UNC119B: variants seen among roughly 807,000 people sequenced by gnomAD.
UNC119B encodes the protein protein unc-119 homolog B.
A neutral mutation model predicts 23.4 loss-of-function variants in UNC119B; 16 were observed. That is an observed-to-expected ratio of 0.68 (90% CI 0.46 to 1.04). The LOEUF (loss-of-function observed/expected upper bound fraction) is 1.04, where lower values mean the gene tolerates loss of function less well. Ranked by LOEUF, UNC119B falls within the 50% of genes least tolerant of loss-of-function variation. The probability of loss-of-function intolerance (pLI) is 0.00; values close to 1 mark genes in which losing one functional copy is unlikely to be tolerated. For missense variants in UNC119B, 350 were observed against 361.3 expected, an observed-to-expected ratio of 0.97 and a Z score of 0.25; for synonymous variants, 144 against 145.4, an observed-to-expected ratio of 0.99 and a Z score of 0.07.
rs1377687975 is a variant in UNC119B, at chr12:120,721,913, C to T, written c.*1881C>T. Reference sequence around the variant, plus strand: ...GCTGTTAGCACTGTCTCCTCACCTTCTGTTTCTCATTGTGGCTCCTCAAAT... The same window carrying T: ...GCTGTTAGCACTGTCTCCTCACCTTTTGTTTCTCATTGTGGCTCCTCAAAT... On this transcript the variant is annotated 3_prime_UTR_variant, in exon 5 of 5. Coordinates refer to ENST00000344651, the MANE Select transcript of UNC119B (RefSeq NM_001080533.3). The T allele has an allele frequency of 6.5e-6, 1 of 152,742 alleles. No individual in the cohort carries two copies. The highest frequency in any genetic ancestry group is 2.4e-5 in the African/African-American group (1 of 41,470). The allele number at this position is 152,742 out of a possible 1,614,324, so 9.5% of individuals were successfully genotyped here.
At chr12:120,714,124 C>CA (rs1882722374) in intron 2 of UNC119B, among the ~76,000 whole-genome samples, 1 of 152,142 alleles carries the variant, frequency 6.6e-6, no homozygotes, top group South Asian at 2.1e-4. Flanking sequence ...TACAGATACC[C>CA]ATAGTATCAG....
Position 120,716,614 on chromosome 12 carries a change from G to C in UNC119B, c.359-14G>C. On this transcript the variant is annotated splice_polypyrimidine_tract_variant and intron_variant, in intron 2 of 4. Coordinates refer to ENST00000344651, the MANE Select transcript of UNC119B (RefSeq NM_001080533.3). ...GTCGAGATGGTGCACTGAAGATTCTGTGTGCTCTTTCAGACCAGGAGGAGG... is the reference window on the plus strand; with the variant it reads ...GTCGAGATGGTGCACTGAAGATTCTCTGTGCTCTTTCAGACCAGGAGGAGG... 6 of 1,613,746 alleles carry C rather than the reference G, an allele frequency of 3.7e-6. No homozygotes were observed. The highest frequency in any genetic ancestry group is 5.1e-6 in the Non-Finnish European group (6 of 1,179,702).
intron 1 of UNC119B, 150 bp downstream of exon 1, chr12:120,710,868 T>A: frequency 1.9e-5 from 13 of 688,814 alleles, no homozygotes; most frequent in Admixed American, 4.7e-5. Context: ...CCGGCCGGGC[T>A]TTGCTCCCGC....
intron 2 of UNC119B, 64 bp downstream of exon 2, chr12:120,713,451 C>CTT (rs1882710658): frequency 4.1e-6 from 5 of 1,224,002 alleles, no homozygotes; most frequent in Non-Finnish European, 6.0e-6. Context: ...AAACTCAAAT[C>CTT]TTTGTGTGCC....
chr12:120,718,989 T>G (rs966261763), intron 4 of UNC119B, among the ~76,000 whole-genome samples: 1 of 152,246 alleles, frequency 6.6e-6, no homozygotes, highest in African/African-American at 2.4e-5. Flanking sequence ...TATAGTGTTA[T>G]AAGTTTTACC....
intron 1 of UNC119B, 189 bp downstream of exon 1, chr12:120,710,907 ACTCT>A: frequency 2.1e-6 from 1 of 482,720 alleles, no homozygotes; most frequent in Non-Finnish European, 3.1e-6. Flanking sequence ...GTGGGGAAGG[ACTCT>A]CCTGGGCTGG....
intron 4 of UNC119B, among the ~76,000 whole-genome samples, chr12:120,718,721 T>C (rs890448350): frequency 6.6e-6 from 1 of 152,254 alleles, no homozygotes; most frequent in Non-Finnish European, 1.5e-5. Flanking sequence ...TATGAGGGTG[T>C]GAATAGAATC....
chr12:120,714,067 C>T (rs1882721395), intron 2 of UNC119B, among the ~76,000 whole-genome samples: 1 of 152,172 alleles, frequency 6.6e-6, no homozygotes, highest in Non-Finnish European at 1.5e-5. Context: ...GAGCACCTCA[C>T]TGGAGGTTTA....
intron 2 of UNC119B, among the ~76,000 whole-genome samples, chr12:120,715,810 G>A (rs1225680882): frequency 1.3e-5 from 2 of 152,110 alleles, no homozygotes. Context: ...TGGGATTACA[G>A]GCATGAGCCA....
intron 4 of UNC119B, among the ~76,000 whole-genome samples, chr12:120,719,628 C>CTCTTGTGCT: frequency 6.6e-6 from 1 of 152,288 alleles, no homozygotes; most frequent in Non-Finnish European, 1.5e-5. Context: ...GCACATTTCC[C>CTCTTGTGCT]TGGTATCTTG....
In UNC119B at chr12:120,721,610, C is replaced by G. The variant is rs1322819406; in HGVS notation, c.*1578C>G. 1 of 152,822 alleles carries G rather than the reference C, an allele frequency of 6.5e-6. No homozygotes were observed. Among genetic ancestry groups the G allele is most frequent in the Non-Finnish European group, 1.5e-5 (1 of 68,192 alleles). The allele number at this position is 152,822 out of a possible 1,614,324, so 9.5% of individuals were successfully genotyped here. A position where few individuals can be genotyped will look rare whatever the true frequency, so the allele number is the denominator to read the frequency against. Reference sequence around the variant, plus strand: ...AGTGGCCCCGAACCTTGGCCCAGTGCTTTGTCCCAGGCCAGAGTCTTGGCA... The same window carrying G: ...AGTGGCCCCGAACCTTGGCCCAGTGGTTTGTCCCAGGCCAGAGTCTTGGCA... On this transcript the variant is annotated 3_prime_UTR_variant, in exon 5 of 5. Coordinates refer to ENST00000344651, the MANE Select transcript of UNC119B (RefSeq NM_001080533.3).
rs1882899985 is a variant in UNC119B, at chr12:120,721,461, A to G, written c.*1429A>G. ...GAGGTGTCACAGTACCTGTGACAGG[A>G]GAGTGTCCTGATGTGCTTGGGAGAA... On this transcript the variant is annotated 3_prime_UTR_variant, in exon 5 of 5. Transcript: ENST00000344651. The G allele has an allele frequency of 6.6e-6, 1 of 152,242 alleles. No individual in the cohort carries two copies. The highest frequency in any genetic ancestry group is 2.4e-5 in the African/African-American group (1 of 41,432). The allele number at this position is 152,242 out of a possible 1,614,324, so 9.4% of individuals were successfully genotyped here. A position where few individuals can be genotyped will look rare whatever the true frequency, so the allele number is the denominator to read the frequency against.
At position 120,710,560 on chromosome 12, in the gene UNC119B, A is replaced by C. The variant is rs928566441; in HGVS notation, c.86A>C (p.Lys29Thr). ...GLVAGKEEKK[K>T]AGGGVLNRLK... ...GTGGCTGGCAAGGAGGAGAAGAAGA[A>C]GGCGGGCGGCGGCGTCCTGAACCGC... The change falls in exon 1 of 5, where the codon AAG (lysine) becomes ACG (threonine). Residue 29 changes from lysine to threonine, a missense_variant. Lys to Thr is a moderately conservative substitution (Grantham distance 78). Transcript: ENST00000344651. The C allele has an allele frequency of 1.4e-6, 2 of 1,394,972 alleles. No homozygotes were observed. Among genetic ancestry groups the C allele is most frequent in the East Asian group, 3.1e-5 (1 of 32,752 alleles). The allele number at this position is 1,394,972 out of a possible 1,614,324, so 86.4% of individuals were successfully genotyped here.
At chr12:120,710,956 C>T (rs1029132023) in intron 1 of UNC119B, 36 of 340,122 alleles carry the variant, frequency 1.1e-4, no homozygotes, top group African/African-American at 5.6e-4. Context: ...CGCTAGGATG[C>T]CCTTCGGCCG....
chr12:120,710,515 C>T lies in UNC119B; in HGVS notation c.41C>T (p.Ala14Val), dbSNP rs1324212533. The T allele has an allele frequency of 2.9e-6, 4 of 1,362,208 alleles. No individual in the cohort carries two copies. The highest frequency in any genetic ancestry group is 3.8e-6 in the Non-Finnish European group (4 of 1,064,756). The allele number at this position is 1,362,208 out of a possible 1,614,324, so 84.4% of individuals were successfully genotyped here. A position where few individuals can be genotyped will look rare whatever the true frequency, so the allele number is the denominator to read the frequency against. Residue 14 changes from alanine to valine, a missense_variant, in exon 1 of 5, where the codon GCG becomes GTG. Physicochemically the swap from Ala to Val is moderately conservative, Grantham distance 64. Coordinates refer to ENST00000344651, the MANE Select transcript of UNC119B (RefSeq NM_001080533.3). ...SNPKAAAAAS[A>V]AGPGGLVAGK... ...CCGAAGGCTGCGGCCGCGGCGTCGG[C>T]GGCTGGGCCCGGGGGGCTGGTGGCT...
At chr12:120,712,054 C>G (rs919415563) in intron 1 of UNC119B, among the ~76,000 whole-genome samples, 1 of 152,154 alleles carries the variant, frequency 6.6e-6, no homozygotes, top group African/African-American at 2.4e-5. Flanking sequence ...TCTTGGTAAC[C>G]TCATGCCCTC....
At chr12:120,716,846 G>A (rs1464557562) in intron 3 of UNC119B, 24 bp from the exon 4 acceptor site, 4 of 1,607,086 alleles carry the variant, frequency 2.5e-6, no homozygotes, top group Non-Finnish European at 3.4e-6. Flanking sequence ...GGCAAAGTCG[G>A]GCTTACAGAG....
intron 1 of UNC119B, chr12:120,710,930 C>T (rs1882651287): frequency 1.8e-5 from 7 of 395,024 alleles, no homozygotes; most frequent in Non-Finnish European, 2.9e-5. Context: ...GGACCGCATT[C>T]CTGTGAGTCC....
At chr12:120,716,406 T>C (rs1287572235) in intron 2 of UNC119B, among the ~76,000 whole-genome samples, 4 of 152,254 alleles carry the variant, frequency 2.6e-5, no homozygotes, top group Non-Finnish European at 4.4e-5. Flanking sequence ...TTGAGCTTCC[T>C]GATCTGTAAA....
Sources: gnomAD v4.1 joint callset for allele counts (sites outside exome capture counted in the v4.1 genomes callset) on GRCh38, gnomAD v4.1.1 for gene constraint, MANE v1.5 for transcripts, NCBI Gene and HGNC (gene_info 2026-07-23, HGNC 2026-07-21) for gene names.